Variants in SCN8A observed in about 807,000 individuals in gnomAD.
The protein encoded by SCN8A is sodium voltage-gated channel alpha subunit 8.
A neutral mutation model predicts 184.1 loss-of-function variants in SCN8A; 30 were observed. The ratio of observed to expected loss-of-function variants is 0.16; its 90% CI spans 0.12 to 0.22. The LOEUF (loss-of-function observed/expected upper bound fraction) is 0.22. SCN8A is among the 10% of genes least tolerant of loss of function. The pLI is 1.00. For synonymous variants in SCN8A, 852 were observed against 907.0 expected, an observed-to-expected ratio of 0.94 and a Z score of 1.09; for missense variants, 1,057 against 2,498.9, an observed-to-expected ratio of 0.42 and a Z score of 12.30.
intron 11 of SCN8A, among the ~76,000 whole-genome samples, chr12:51,719,834 T>A (rs1942019617): frequency 6.6e-6 from 1 of 152,166 alleles, no homozygotes; most frequent in Admixed American, 6.5e-5. Flanking sequence ...CCCAGCACTT[T>A]GGGAGGCCGA....
intron 14 of SCN8A, among the ~76,000 whole-genome samples, chr12:51,756,940 A>G (rs557045205): frequency 6.6e-6 from 1 of 152,358 alleles, no homozygotes; most frequent in East Asian, 1.9e-4. Context: ...TTCACCAAAC[A>G]TAAATGAATG....
intron 21 of SCN8A, 47 bp downstream of exon 21, chr12:51,780,818 G>A: frequency 6.5e-7 from 1 of 1,527,412 alleles, no homozygotes; most frequent in Non-Finnish European, 8.7e-7. Context: ...AGTGGAAACT[G>A]TTTAAGCATG....
At chr12:51,682,562 G>A (rs1488305909) in intron 2 of SCN8A, among the ~76,000 whole-genome samples, 5 of 152,002 alleles carry the variant, frequency 3.3e-5, no homozygotes, top group Non-Finnish European at 5.9e-5. Context: ...ATTTCTAGAA[G>A]GATATACAAA....
intron 14 of SCN8A, among the ~76,000 whole-genome samples, chr12:51,752,184 C>T (rs215751): frequency 0.87 from 132,439 of 152,200 alleles, 57,837 homozygotes; most frequent in East Asian, 0.98. Context: ...AATTAAGTAG[C>T]TGTGATTTGA....
intron 5 of SCN8A, 91 bp downstream of exon 5, chr12:51,687,310 G>C: frequency 7.0e-7 from 1 of 1,422,194 alleles, no homozygotes; most frequent in Non-Finnish European, 9.8e-7. Context: ...TGCATTTGTG[G>C]ACACAGCTGT....
chr12:51,679,885 C>T (rs775619583), intron 2 of SCN8A, among the ~76,000 whole-genome samples: 5 of 151,878 alleles, frequency 3.3e-5, no homozygotes, highest in African/African-American at 7.3e-5. Context: ...GCCACCATGT[C>T]GGGCTAATTT....
chr12:51,766,094 AAGTCCTTCTACTGCTT>A, intron 16 of SCN8A, 67 bp downstream of exon 16: 2 of 1,252,314 alleles, frequency 1.6e-6, no homozygotes, highest in Non-Finnish European at 2.3e-6. Flanking sequence ...CCAGAAGCCC[AAGTCCTTCTACTGCTT>A]AGTCCTTCTA....
chr12:51,618,675 G>C (rs746739179), intron 1 of SCN8A, among the ~76,000 whole-genome samples: 1 of 152,076 alleles, frequency 6.6e-6, no homozygotes, highest in Non-Finnish European at 1.5e-5. Flanking sequence ...AGGGTAGAGT[G>C]GGCTTACTTC....
At chr12:51,616,722 C>T (rs746580808) in intron 1 of SCN8A, among the ~76,000 whole-genome samples, 1 of 151,952 alleles carries the variant, frequency 6.6e-6, no homozygotes, top group Non-Finnish European at 1.5e-5. Flanking sequence ...GAGTTTGAGA[C>T]AGGCTGGGCA....
chr12:51,745,885 C>CTTTT lies in SCN8A; in HGVS notation c.1999-8_1999-5dup. The stretch of plus-strand genomic sequence containing the variant: ...GACTTAACTCACTCTATTTGCTTTT[C>CTTTT]TTTTTTTTTTTTTAAAGGCTACAAC... On this transcript the variant is annotated splice_polypyrimidine_tract_variant and intron_variant, in intron 12 of 26. Transcript: ENST00000627620. 8.2e-7 allele frequency: 1 copy of CTTTT among 1,226,644 alleles called. No individual in the cohort carries two copies. The highest frequency in any genetic ancestry group is 1.1e-6 in the Non-Finnish European group (1 of 901,470). 76.0% of individuals were successfully genotyped at this position (1,226,644 alleles called of 1,614,324 possible). A position where few individuals can be genotyped will look rare whatever the true frequency, so the allele number is the denominator to read the frequency against.
intron 1 of SCN8A, among the ~76,000 whole-genome samples, chr12:51,642,875 C>G (rs916115367): frequency 6.6e-6 from 1 of 151,802 alleles, no homozygotes; most frequent in Non-Finnish European, 1.5e-5. Flanking sequence ...CTCCAGTAAC[C>G]ATTTAGTGGG....
chr12:51,675,336 G>T (rs989356548), intron 2 of SCN8A, among the ~76,000 whole-genome samples: 2 of 152,198 alleles, frequency 1.3e-5, no homozygotes, highest in African/African-American at 4.8e-5. Context: ...AGAGCATGGG[G>T]TTACAAGGTC....
At chr12:51,720,691 G>T (rs1942038681) in intron 11 of SCN8A, among the ~76,000 whole-genome samples, 1 of 152,066 alleles carries the variant, frequency 6.6e-6, no homozygotes, top group African/African-American at 2.4e-5. Context: ...GAACTAAAAG[G>T]CTTGAAGGCC....
intron 3 of SCN8A, among the ~76,000 whole-genome samples, chr12:51,685,079 T>C (rs898714979): frequency 3.3e-5 from 5 of 152,172 alleles, no homozygotes; most frequent in Non-Finnish European, 4.4e-5. Flanking sequence ...GTTTAGAAGC[T>C]TTTGCCACAT....
At chr12:51,637,602 C>G (rs962849720) in intron 1 of SCN8A, among the ~76,000 whole-genome samples, 2 of 152,176 alleles carry the variant, frequency 1.3e-5, no homozygotes, top group Non-Finnish European at 2.9e-5. Flanking sequence ...GAGCAAGGCC[C>G]TAATTCTCTC....
intron 12 of SCN8A, among the ~76,000 whole-genome samples, chr12:51,738,900 G>A (rs953226080): frequency 8.5e-5 from 13 of 152,258 alleles, no homozygotes; most frequent in South Asian, 2.1e-4. Flanking sequence ...CAGCTCTACC[G>A]GCTGTGGTGG....
chr12:51,604,108 C>T (rs760015425), intron 1 of SCN8A, among the ~76,000 whole-genome samples: 15 of 151,830 alleles, frequency 9.9e-5, no homozygotes, highest in Non-Finnish European at 2.2e-4. Context: ...TTATGGGTCA[C>T]GTTTTTGATG....
chr12:51,685,065 A>G (rs1207693889), intron 3 of SCN8A, among the ~76,000 whole-genome samples: 1 of 152,186 alleles, frequency 6.6e-6, no homozygotes, highest in Non-Finnish European at 1.5e-5. Context: ...AACTTGGTGA[A>G]TTGGTTTAGA....
intron 26 of SCN8A, among the ~76,000 whole-genome samples, chr12:51,801,992 T>G (rs1938568812): frequency 6.6e-6 from 1 of 151,952 alleles, no homozygotes; most frequent in Non-Finnish European, 1.5e-5. Context: ...GAGGTGGAGG[T>G]TGCAGTGAGT....
Sources: allele counts gnomAD v4.1 joint callset (sites outside exome capture counted in the v4.1 genomes callset), GRCh38; gene constraint gnomAD v4.1.1; transcripts MANE v1.5; gene names NCBI Gene and HGNC (gene_info 2026-07-23, HGNC 2026-07-21).